DGKB: variants seen among roughly 807,000 people sequenced by gnomAD.
DGKB encodes 90 kDa diacylglycerol kinase.
DGKB carries 67 observed loss-of-function variants against 114.3 expected under a neutral mutation model. That is an observed-to-expected ratio of 0.59 (90% CI 0.48 to 0.72). DGKB has a LOEUF of 0.72. Ranked by LOEUF, DGKB falls within the 30% of genes least tolerant of loss-of-function variation. The pLI is 0.00. For missense variants in DGKB, 907 were observed against 975.2 expected (o/e 0.93, Z 0.93); for synonymous variants, 398 against 323.1 (o/e 1.23, Z -2.49).
At chr7:14,561,447 G>A (rs1796644747) in intron 20 of DGKB, among the ~76,000 whole-genome samples, 1 of 152,120 alleles carries the variant, frequency 6.6e-6, no homozygotes, top group African/African-American at 2.4e-5. Context: ...ACCCCAAAAT[G>A]GAGACGTGAC....
At chr7:14,238,334 A>T (rs1241012651) in intron 23 of DGKB, among the ~76,000 whole-genome samples, 1 of 151,968 alleles carries the variant, frequency 6.6e-6, no homozygotes, top group Admixed American at 6.6e-5. Flanking sequence ...TTGCTCTGAC[A>T]TGTGAAGACT....
intron 23 of DGKB, among the ~76,000 whole-genome samples, chr7:14,239,535 A>C (rs1793330375): frequency 6.6e-6 from 1 of 152,036 alleles, no homozygotes; most frequent in Admixed American, 6.6e-5. Flanking sequence ...TCATAATTTT[A>C]TTGTGTGATT....
chr7:14,274,284 A>G (rs1392364315), intron 23 of DGKB, among the ~76,000 whole-genome samples: 1 of 152,168 alleles, frequency 6.6e-6, no homozygotes, highest in Non-Finnish European at 1.5e-5. Context: ...GTGTTTGGAA[A>G]CAGCCTCCAA....
intron 21 of DGKB, among the ~76,000 whole-genome samples, chr7:14,368,640 G>C (rs1440289317): frequency 6.6e-6 from 1 of 151,512 alleles, no homozygotes; most frequent in African/African-American, 2.4e-5. Flanking sequence ...CAGATATAAA[G>C]AAAAAGAGGT....
chr7:14,825,016 GTATATATATATATATATA>G lies in DGKB; in HGVS notation c.70+16160_70+16177del, dbSNP rs67135250. Among the ~76,000 whole-genome samples the G allele has an allele frequency of 5.1e-4, 47 of 92,412 alleles. 1 individual carries two copies. Among genetic ancestry groups the G allele is most frequent in the Admixed American group, 1.9e-3 (16 of 8,404 alleles). 60.6% of individuals were successfully genotyped at this position (92,412 alleles called of 152,430 possible). A position where few individuals can be genotyped will look rare whatever the true frequency, so the allele number is the denominator to read the frequency against. ...TGTGTATATATATATGTATGTGTAT[GTATATATATATATATATA>G]TATATATATATATATATATATATCA... is the stretch of plus-strand genomic sequence containing the variant. On this transcript the variant is annotated intron_variant, in intron 2 of 25. Coordinates refer to ENST00000402815, the MANE Select transcript of DGKB (RefSeq NM_001350709.2).
chr7:14,203,772 T>G (rs1184789607), intron 23 of DGKB, among the ~76,000 whole-genome samples: 2 of 152,104 alleles, frequency 1.3e-5, no homozygotes, highest in Admixed American at 6.6e-5. Context: ...GAGATCAAAG[T>G]GCTTCTTAAA....
intron 23 of DGKB, among the ~76,000 whole-genome samples, chr7:14,305,052 A>G (rs911607349): frequency 6.6e-6 from 1 of 152,160 alleles, no homozygotes; most frequent in African/African-American, 2.4e-5. Context: ...ATATTTTCAC[A>G]TATGCATACA....
intron 23 of DGKB, among the ~76,000 whole-genome samples, chr7:14,330,585 T>G (rs1809552410): frequency 6.6e-6 from 1 of 152,036 alleles, no homozygotes; most frequent in African/African-American, 2.4e-5. Flanking sequence ...AGATTTTGTT[T>G]TTAAAATTAT....
chr7:14,324,889 T>C (rs1808454965), intron 23 of DGKB, among the ~76,000 whole-genome samples: 1 of 152,180 alleles, frequency 6.6e-6, no homozygotes, highest in African/African-American at 2.4e-5. Flanking sequence ...GACACTAAAC[T>C]TTAAACAAAA....
chr7:14,468,330 A>G (rs1218970464), intron 21 of DGKB, among the ~76,000 whole-genome samples: 1 of 152,022 alleles, frequency 6.6e-6, no homozygotes, highest in Non-Finnish European at 1.5e-5. Context: ...CCAGCACACA[A>G]TTGAATTTTG....
At chr7:14,263,287 C>A (rs914819602) in intron 23 of DGKB, among the ~76,000 whole-genome samples, 5 of 152,094 alleles carry the variant, frequency 3.3e-5, no homozygotes, top group Non-Finnish European at 5.9e-5. Flanking sequence ...TTACAGTTTC[C>A]TTTCAGGCTA....
upstream of DGKB, chr7:14,903,053 T>C (rs1783375215): frequency 6.6e-6 from 1 of 152,162 alleles, no homozygotes; most frequent in African/African-American, 2.4e-5. Context: ...CCACTCAAGC[T>C]AGCTATCACA....
In DGKB at chr7:14,147,755, T is replaced by A. The variant is rs1464709911; in HGVS notation, c.*1376A>T. 1 of 152,564 alleles carries A rather than the reference T, an allele frequency of 6.6e-6. No individual in the cohort carries two copies. Among genetic ancestry groups the A allele is most frequent in the African/African-American group, 2.4e-5 (1 of 41,450 alleles). 9.5% of individuals were successfully genotyped at this position (152,564 alleles called of 1,614,324 possible). A position where few individuals can be genotyped will look rare whatever the true frequency, so the allele number is the denominator to read the frequency against. On this transcript the variant is annotated 3_prime_UTR_variant, in exon 26 of 26. Coordinates refer to ENST00000402815, the MANE Select transcript of DGKB (RefSeq NM_001350709.2). ...GCAGGTCAATATGAATGAACAATAT[T>A]ACAAGACTGCTCAGAAGCATTTCAT...
At chr7:14,651,541 C>G (rs62445659) in intron 13 of DGKB, among the ~76,000 whole-genome samples, 2,983 of 144,982 alleles carry the variant, frequency 0.021, 33 homozygotes, top group South Asian at 0.035. Flanking sequence ...CAGCCAATAT[C>G]ATACTGAATG....
intron 20 of DGKB, among the ~76,000 whole-genome samples, chr7:14,544,194 T>G (rs1450362898): frequency 6.6e-6 from 1 of 152,194 alleles, no homozygotes; most frequent in Non-Finnish European, 1.5e-5. Flanking sequence ...GTCATTGTTC[T>G]GTTTATAAGA....
intron 1 of DGKB, among the ~76,000 whole-genome samples, chr7:14,848,167 T>G (rs542370044): frequency 6.6e-6 from 1 of 152,172 alleles, no homozygotes; most frequent in Non-Finnish European, 1.5e-5. Flanking sequence ...GTTCCAATAT[T>G]GTGTGAGAGC....
At chr7:14,679,399 G>A (rs1480891239) in intron 12 of DGKB, among the ~76,000 whole-genome samples, 1 of 151,882 alleles carries the variant, frequency 6.6e-6, no homozygotes, top group African/African-American at 2.4e-5. Flanking sequence ...GTCTAAACTG[G>A]TTACATAAAT....
chr7:14,200,089 T>C (rs889645203), intron 23 of DGKB, among the ~76,000 whole-genome samples: 1 of 152,092 alleles, frequency 6.6e-6, no homozygotes, highest in African/African-American at 2.4e-5. Context: ...ATAGAGGTCA[T>C]TCTGGTTAAT....
At chr7:14,296,315 C>A (rs149876969) in intron 23 of DGKB, among the ~76,000 whole-genome samples, 7 of 152,140 alleles carry the variant, frequency 4.6e-5, no homozygotes, top group African/African-American at 1.7e-4. Flanking sequence ...CAGGCGTGAG[C>A]CACCATGCCC....
Sources: allele counts gnomAD v4.1 joint callset (sites outside exome capture counted in the v4.1 genomes callset), GRCh38; gene constraint gnomAD v4.1.1; transcripts MANE v1.5; gene names NCBI Gene and HGNC (gene_info 2026-07-23, HGNC 2026-07-21).